The following SPOUT1 variants were observed in gnomAD, a reference collection of about 807,000 sequenced individuals.
The protein encoded by SPOUT1 is 28S rRNA (uridine-N(3))-methyltransferase.
A neutral mutation model predicts 54.8 loss-of-function variants in SPOUT1; 40 were observed. The observed-to-expected ratio is 0.73, with a 90% CI of 0.57 to 0.95. The LOEUF (loss-of-function observed/expected upper bound fraction) is 0.95. SPOUT1 is among the 40% of genes least tolerant of loss of function. SPOUT1 has a pLI of 0.00. For missense variants in SPOUT1, 437 were observed against 499.5 expected, an observed-to-expected ratio of 0.87 and a Z score of 1.19; for synonymous variants, 193 against 200.3, an observed-to-expected ratio of 0.96 and a Z score of 0.31.
rs573757186 is a variant in SPOUT1 at position 128,824,829 on chromosome 9, G to A, written c.753C>T (p.Asp251=). 30 of 1,614,088 alleles carry A rather than the reference G, an allele frequency of 1.9e-5. No individual in the cohort carries two copies. The highest frequency in any genetic ancestry group is 2.5e-5 in the Non-Finnish European group (30 of 1,179,976). Residue 251 remains aspartate (D), a synonymous_variant, in exon 9 of 12, where the codon GAC becomes GAT. Transcript: ENST00000361256. ...TYHGKVVSSQ[D]PRTKAGLYWG... is the part of the protein sequence containing the mutation. ...AGTAGAGACCAGCTTTGGTGCGAGG[G>A]TCCTGCGATGATACCACTTTGCCAT...
chr9:128,828,170 G>C (rs892114420), intron 3 of SPOUT1, among the ~76,000 whole-genome samples: 110 of 152,084 alleles, frequency 7.2e-4, no homozygotes, highest in African/African-American at 2.6e-3. Flanking sequence ...AAATCAGGAA[G>C]ATCATGAAGT....
chr9:128,822,888 G>T (rs1012198065), intron 11 of SPOUT1, 55 bp from the exon 12 acceptor site: 1 of 1,327,772 alleles, frequency 7.5e-7, no homozygotes, highest in East Asian at 2.5e-5. Flanking sequence ...GGGTGCCCCC[G>T]CTCCCAGCCT....
chr9:128,823,824 C>CCTCCAGGTTGGGGTCAGCATCCG lies in SPOUT1; in HGVS notation c.962_984dup (p.Val329ArgfsTer70), dbSNP rs1231735280. The CCTCCAGGTTGGGGTCAGCATCCG allele has an allele frequency of 6.2e-7, 1 of 1,611,968 alleles. No homozygotes were observed. The highest frequency in any genetic ancestry group is 2.2e-5 in the East Asian group (1 of 44,842). On this transcript the variant is annotated frameshift_variant, in exon 11 of 12. Transcript: ENST00000361256. LOFTEE classifies it high-confidence loss of function. ...TCAAAGAGGACACTGGGTTCAGCCA[C>CCTCCAGGTTGGGGTCAGCATCCG]CTCCAGGTTGGGGTCAGCATCCGCT...
chr9:128,825,420 C>G (rs1410093857), intron 7 of SPOUT1, among the ~76,000 whole-genome samples: 2 of 152,164 alleles, frequency 1.3e-5, no homozygotes, highest in African/African-American at 4.8e-5. Flanking sequence ...CAACCTCTGT[C>G]TCCTGGGTTC....
At chr9:128,828,250 C>T (rs10988132) in intron 3 of SPOUT1, among the ~76,000 whole-genome samples, 1 of 152,168 alleles carries the variant, frequency 6.6e-6, no homozygotes, top group Non-Finnish European at 1.5e-5. Flanking sequence ...AATCCCAGCA[C>T]TTTGGGAGGC....
At chr9:128,828,223 C>T (rs1830277657) in intron 3 of SPOUT1, among the ~76,000 whole-genome samples, 3 of 151,886 alleles carry the variant, frequency 2.0e-5, no homozygotes, top group East Asian at 2.0e-4. Context: ...GGGCCGGGCA[C>T]GGTGGCTCAT....
chr9:128,828,840 AT>A lies in SPOUT1; in HGVS notation c.102del (p.Lys34AsnfsTer7), dbSNP rs749421754. 5.0e-6 allele frequency: 8 copies of A among 1,596,758 alleles called. No homozygotes were observed. Among genetic ancestry groups the A allele is most frequent in the South Asian group, 1.1e-5 (1 of 90,292 alleles). On this transcript the variant is annotated frameshift_variant, in exon 3 of 12. Coordinates refer to ENST00000361256, the MANE Select transcript of SPOUT1 (RefSeq NM_016390.4). LOFTEE classifies it high-confidence loss of function. The part of the protein sequence containing the change: ...WKQQKKEEKK[K>X]WKDLKLMKKL... ...TTTTTCATCAGCTTGAGATCCTTCC[AT>A]TTTTTTTTCTCCTCTTTCTCTGGAT...
Position 128,820,676 on chromosome 9 carries a change from G to A in SPOUT1, c.*2089C>T. On this transcript the variant is annotated 3_prime_UTR_variant, in exon 12 of 12. Coordinates refer to ENST00000361256, the MANE Select transcript of SPOUT1 (RefSeq NM_016390.4). ...GTCCATCCCCTCAGGACCTGGGGCGGCCCTCTGATAGAGGAGGAAGGGTCC... is the reference window on the plus strand; with the variant it reads ...GTCCATCCCCTCAGGACCTGGGGCGACCCTCTGATAGAGGAGGAAGGGTCC... The A allele has an allele frequency of 2.8e-6, 4 of 1,408,574 alleles. No individual in the cohort carries two copies. The highest frequency in any genetic ancestry group is 3.9e-6 in the Non-Finnish European group (4 of 1,014,422). 87.3% of individuals were successfully genotyped at this position (1,408,574 alleles called of 1,614,324 possible). A position where few individuals can be genotyped will look rare whatever the true frequency, so the allele number is the denominator to read the frequency against.
intron 11 of SPOUT1, 139 bp downstream of exon 11, chr9:128,823,608 A>G: frequency 1.4e-6 from 1 of 699,014 alleles, no homozygotes. Flanking sequence ...CTGTGGCAAG[A>G]GGCCAAGGGG....
At position 128,827,079 on chromosome 9, in the gene SPOUT1, G is replaced by A. The variant is rs757692599; in HGVS notation, c.321C>T (p.Phe107=). The part of the protein sequence containing the change: ...AGQIARACAI[F]CVDEIVVFDE... ...CAAACACCACGATCTCATCCACACA[G>A]AAGATGGCACAGGCTCTGGCAATCT... The change falls in exon 4 of 12, where the codon TTC becomes TTT. Residue 107 remains phenylalanine (F), a synonymous_variant. Transcript: ENST00000361256. 2 of 1,614,076 alleles carry A rather than the reference G, an allele frequency of 1.2e-6. No individual in the cohort carries two copies. The highest frequency in any genetic ancestry group is 1.1e-5 in the South Asian group (1 of 91,086).
chr9:128,829,676 G>A, intron 1 of SPOUT1, 69 bp downstream of exon 1: 1 of 1,238,336 alleles, frequency 8.1e-7, no homozygotes, highest in Non-Finnish European at 1.1e-6. Flanking sequence ...CCCGGCGAAG[G>A]CCCCCACGCC....
At chr9:128,822,886 C>G (rs1830156188) in intron 11 of SPOUT1, 53 bp from the exon 12 acceptor site, 1 of 1,344,188 alleles carries the variant, frequency 7.4e-7, no homozygotes, top group East Asian at 2.5e-5. Context: ...GCGGGTGCCC[C>G]CGCTCCCAGC....
In SPOUT1 at chr9:128,826,180, G is replaced by A; in HGVS notation, c.509-28C>T. On this transcript the variant is annotated intron_variant, in intron 6 of 11. Coordinates refer to ENST00000361256, the MANE Select transcript of SPOUT1 (RefSeq NM_016390.4). The surrounding 1 kb of genome is among the most constrained non-coding windows in gnomAD (Gnocchi z 5.5). ...GTGGAGGCAGAGCCGGGAAGAGTCT[G>A]GGAAGTGCTAGGGCACACAGGGTGC... 6.3e-7 allele frequency: 1 copy of A among 1,588,096 alleles called. No individual in the cohort carries two copies. The highest frequency in any genetic ancestry group is 8.6e-7 in the Non-Finnish European group (1 of 1,167,072).
intron 9 of SPOUT1, 145 bp downstream of exon 9, chr9:128,824,626 G>A (rs1014295895): frequency 9.3e-6 from 6 of 648,456 alleles, no homozygotes; most frequent in Non-Finnish European, 1.7e-5. Flanking sequence ...GGAGAACAAG[G>A]CCCAGAGAAG....
chr9:128,825,651 G>A (rs1830227229), intron 7 of SPOUT1, among the ~76,000 whole-genome samples: 2 of 152,162 alleles, frequency 1.3e-5, no homozygotes, highest in South Asian at 2.1e-4. Context: ...TGACAGGAAG[G>A]GACTCCATAC....
In SPOUT1 at chr9:128,828,954, G is replaced by T. The variant is rs1589597388; in HGVS notation, c.83-94C>A. 7.0e-6 allele frequency: 11 copies of T among 1,575,338 alleles called. No individual in the cohort carries two copies. In the East Asian group the frequency reaches 2.5e-4, roughly 35 times the overall value. On this transcript the variant is annotated intron_variant, in intron 2 of 11. Coordinates refer to ENST00000361256, the MANE Select transcript of SPOUT1 (RefSeq NM_016390.4). ...AGAGCTGCTGGGTGAGCAGCCAGAG[G>T]GCAGCAAGGGAGCCTCCCCAGGGCT...
In SPOUT1 at chr9:128,826,927, G is replaced by T; in HGVS notation, c.368+105C>A. The T allele has an allele frequency of 1.7e-6, 2 of 1,208,532 alleles. No homozygotes were observed. Among genetic ancestry groups the T allele is most frequent in the Non-Finnish European group, 1.2e-6 (1 of 843,332 alleles). 74.9% of individuals were successfully genotyped at this position (1,208,532 alleles called of 1,614,324 possible). On this transcript the variant is annotated intron_variant, in intron 4 of 11. Coordinates refer to ENST00000361256, the MANE Select transcript of SPOUT1 (RefSeq NM_016390.4). The surrounding 1 kb of genome is among the most constrained non-coding windows in gnomAD (Gnocchi z 5.5). Reference sequence around the variant, plus strand: ...ACAGGGAATATTTCAGGCAGGGCACGAGGGAAGAGCCAGGCATGTGGACGG... The same window carrying T: ...ACAGGGAATATTTCAGGCAGGGCACTAGGGAAGAGCCAGGCATGTGGACGG...
chr9:128,824,753 A>C lies in SPOUT1; in HGVS notation c.811+18T>G, dbSNP rs534506231. The C allele has an allele frequency of 6.3e-7, 1 of 1,584,496 alleles. No homozygotes were observed. Among genetic ancestry groups the C allele is most frequent in the East Asian group, 2.2e-5 (1 of 44,724 alleles). On this transcript the variant is annotated intron_variant, in intron 9 of 11. Transcript: ENST00000361256. ...AGAGGGATGGATGGATATTCAGAGA[A>C]GTAAGGTCTGTCCTTACTGAGGCAG...
chr9:128,823,671 G>T lies in SPOUT1; in HGVS notation c.1062+76C>A, dbSNP rs1043563080. On this transcript the variant is annotated intron_variant, in intron 11 of 11. Coordinates refer to ENST00000361256, the MANE Select transcript of SPOUT1 (RefSeq NM_016390.4). ...AGCCACGGGCAAGGGTGGGTGACAGGGCAAGAGTAGCACCCGCCCCTCGGA... is the reference window on the plus strand; with the variant it reads ...AGCCACGGGCAAGGGTGGGTGACAGTGCAAGAGTAGCACCCGCCCCTCGGA... The T allele has an allele frequency of 6.6e-6, 9 of 1,367,914 alleles. No individual in the cohort carries two copies. The African/African-American group carries it at 1.3e-4, about 19-fold the overall frequency. The allele number at this position is 1,367,914 out of a possible 1,614,324, so 84.7% of individuals were successfully genotyped here.
Sources: gnomAD v4.1 joint callset for allele counts (sites outside exome capture counted in the v4.1 genomes callset) on GRCh38, gnomAD v4.1.1 for gene constraint, Gnocchi (gnomAD v3.1) non-coding constraint, MANE v1.5 for transcripts, NCBI Gene and HGNC (gene_info 2026-07-23, HGNC 2026-07-21) for gene names.